Variants in P3H2 observed in about 807,000 individuals in gnomAD.
P3H2 encodes the protein prolyl 3-hydroxylase 2.
Under a neutral mutation model 87.0 loss-of-function variants are expected in P3H2, and 80 were observed. The ratio of observed to expected loss-of-function variants is 0.92; its 90% CI spans 0.77 to 1.11. The LOEUF is 1.11. P3H2 is among the 50% of genes least tolerant of loss of function. The pLI is 0.00. For missense variants in P3H2, 1,001 were observed against 923.9 expected (o/e 1.08, Z -1.08); for synonymous variants, 367 against 359.3 (o/e 1.02, Z -0.24).
At chr3:189,963,438 T>C in intron 14 of P3H2, 1 of 155,458 alleles carries the variant, frequency 6.4e-6, no homozygotes, top group Non-Finnish European at 1.4e-5. Context: ...TGCCACAGAG[T>C]TGTTTTGGTT....
chr3:190,020,943 T>C (rs563367629), intron 1 of P3H2, among the ~76,000 whole-genome samples: 1 of 134,642 alleles, frequency 7.4e-6, no homozygotes, highest in African/African-American at 2.6e-5. Context: ...AAGTATAGTT[T>C]AGTCCAAATC....
At position 189,973,011 on chromosome 3, in the gene P3H2, C is replaced by T. The variant is rs1044586632; in HGVS notation, c.1562G>A (p.Gly521Asp). 12 of 1,604,368 alleles carry T rather than the reference C, an allele frequency of 7.5e-6. No homozygotes were observed. Among genetic ancestry groups the T allele is most frequent in the Non-Finnish European group, 1.0e-5 (12 of 1,177,394 alleles). The part of the protein sequence containing the change: ...VLKALKSGYE[G>D]RVPLKSARLF... ...ACGAGCGCTCTTCAGTGGGACTCGA[C>T]CTTCATAACCAGACTGAAAAAAAAA... The change falls in exon 11 of 15, where the codon GGT becomes GAT. Residue 521 changes from glycine (G) to aspartate (D), a missense_variant. Gly to Asp is a moderately conservative substitution (Grantham distance 94). Coordinates refer to ENST00000319332, the MANE Select transcript of P3H2 (RefSeq NM_018192.4).
chr3:190,032,037 TG>T (rs1229629153), intron 1 of P3H2, among the ~76,000 whole-genome samples: 2 of 152,214 alleles, frequency 1.3e-5, no homozygotes, highest in Non-Finnish European at 2.9e-5. Context: ...CAAGAATGAT[TG>T]GACAAGATCC....
At chr3:190,115,387 A>ATT (rs143076673) in intron 1 of P3H2, among the ~76,000 whole-genome samples, 9 of 148,856 alleles carry the variant, frequency 6.0e-5, no homozygotes, top group Non-Finnish European at 1.2e-4. Context: ...AATAAACAGC[A>ATT]TTTTTTTTTC....
intron 1 of P3H2, among the ~76,000 whole-genome samples, chr3:190,119,973 T>C (rs941399040): frequency 2.6e-5 from 4 of 152,166 alleles, no homozygotes; most frequent in African/African-American, 9.7e-5. Flanking sequence ...GCCTCATGAA[T>C]TAGTGCTGAA....
chr3:190,120,688 G>GGCAGCA lies in P3H2; in HGVS notation c.38_43dup (p.Leu13_Leu14dup), dbSNP rs748164416. On this transcript the variant is annotated inframe_insertion, in exon 1 of 15. Coordinates refer to ENST00000319332, the MANE Select transcript of P3H2 (RefSeq NM_018192.4). Reference sequence around the variant, plus strand: ...CCACAGTGGCGGCGGCAGTAGCAGCGGCAGCAGCAGCAGCAGCGGCGGCGC... The same window carrying GGCAGCA: ...CCACAGTGGCGGCGGCAGTAGCAGCGGCAGCAGCAGCAGCAGCAGCAGCGGCGGCGC... 1.0e-4 allele frequency: 153 copies of GGCAGCA among 1,521,172 alleles called. 1 individual carries two copies. In the Middle Eastern group the frequency reaches 1.1e-3, roughly 10 times the overall value. 94.2% of individuals were successfully genotyped at this position (1,521,172 alleles called of 1,614,324 possible). A position where few individuals can be genotyped will look rare whatever the true frequency, so the allele number is the denominator to read the frequency against.
Position 189,970,909 on chromosome 3 carries a change from A to G in P3H2, c.1818-18T>C. The stretch of plus-strand genomic sequence containing the variant: ...GGAGAGCACTATAAGAATGAAGAGA[A>G]AACTATTTGTATTATTATATGCTTA... On this transcript the variant is annotated intron_variant, in intron 12 of 14. Transcript: ENST00000319332. The G allele has an allele frequency of 1.5e-6, 2 of 1,345,488 alleles. No homozygotes were observed. Among genetic ancestry groups the G allele is most frequent in the Non-Finnish European group, 2.1e-6 (2 of 934,910 alleles). 83.3% of individuals were successfully genotyped at this position (1,345,488 alleles called of 1,614,324 possible).
intron 1 of P3H2, among the ~76,000 whole-genome samples, chr3:190,080,963 T>A (rs1727023650): frequency 6.6e-6 from 1 of 152,214 alleles, no homozygotes; most frequent in Non-Finnish European, 1.5e-5. Flanking sequence ...AGTTCAGAGC[T>A]TAGATTACCA....
chr3:189,971,834 C>A, intron 12 of P3H2, 56 bp downstream of exon 12: 1 of 1,066,024 alleles, frequency 9.4e-7, no homozygotes, highest in South Asian at 1.3e-5. Context: ...TTCCAGTTTT[C>A]ACTGCTTGAA....
At chr3:190,077,233 C>A (rs1002476815) in intron 1 of P3H2, among the ~76,000 whole-genome samples, 2 of 152,172 alleles carry the variant, frequency 1.3e-5, no homozygotes, top group Non-Finnish European at 2.9e-5. Context: ...GACCTGGTCT[C>A]CTAGCAACAC....
intron 1 of P3H2, among the ~76,000 whole-genome samples, chr3:190,000,848 T>A (rs1724188969): frequency 6.6e-6 from 1 of 152,178 alleles, no homozygotes; most frequent in Admixed American, 6.5e-5. Flanking sequence ...GTAAAAAATG[T>A]TAAGGAGGGA....
chr3:190,116,618 T>C (rs1712297995), intron 1 of P3H2: 1 of 152,244 alleles, frequency 6.6e-6, no homozygotes, highest in Non-Finnish European at 1.5e-5. Context: ...AAGATAGGAC[T>C]GGGAAGGTTG....
At chr3:189,986,454 T>G (rs547450446) in intron 6 of P3H2, among the ~76,000 whole-genome samples, 1 of 152,122 alleles carries the variant, frequency 6.6e-6, no homozygotes, top group Admixed American at 6.5e-5. Context: ...CTGGGCATTG[T>G]GGCGTGTGCC....
At chr3:190,050,790 C>T (rs902657775) in intron 1 of P3H2, among the ~76,000 whole-genome samples, 2 of 152,132 alleles carry the variant, frequency 1.3e-5, no homozygotes, top group South Asian at 4.1e-4. Flanking sequence ...CAGCTTCATG[C>T]AAATTCTATT....
At chr3:190,089,207 CG>C (rs1553882571) in intron 1 of P3H2, among the ~76,000 whole-genome samples, 5 of 151,828 alleles carry the variant, frequency 3.3e-5, no homozygotes, top group Non-Finnish European at 7.4e-5. Flanking sequence ...CATCACACAC[CG>C]GGGCCTGTCG....
chr3:190,021,141 A>T (rs1724918340), intron 1 of P3H2, among the ~76,000 whole-genome samples: 2 of 134,950 alleles, frequency 1.5e-5, no homozygotes, highest in East Asian at 2.5e-4. Context: ...TTTACAAAGC[A>T]GCCACCATGA....
intron 1 of P3H2, among the ~76,000 whole-genome samples, chr3:190,034,773 T>C (rs1725364181): frequency 6.6e-6 from 1 of 152,216 alleles, no homozygotes; most frequent in Non-Finnish European, 1.5e-5. Context: ...AATTCTGCTG[T>C]ATGTTTATTT....
intron 1 of P3H2, among the ~76,000 whole-genome samples, chr3:190,079,341 A>AAAT (rs1726969559): frequency 2.1e-5 from 3 of 142,038 alleles, no homozygotes; most frequent in Middle Eastern, 3.6e-3. Flanking sequence ...TCTGTCTCAA[A>AAAT]AAATAAATAA....
intron 1 of P3H2, among the ~76,000 whole-genome samples, chr3:190,010,731 T>C (rs1392542831): frequency 6.6e-6 from 1 of 152,216 alleles, no homozygotes; most frequent in Non-Finnish European, 1.5e-5. Flanking sequence ...ATGGCTGCCC[T>C]AGCAAACTAA....
Sources: allele counts gnomAD v4.1 joint callset (sites outside exome capture counted in the v4.1 genomes callset), GRCh38; gene constraint gnomAD v4.1.1; transcripts MANE v1.5; gene names NCBI Gene and HGNC (gene_info 2026-07-23, HGNC 2026-07-21).